The following OR2L13 variants were observed in gnomAD, a reference collection of about 807,000 sequenced individuals.
OR2L13 encodes the protein olfactory receptor 2L13.
In OR2L13, 14 loss-of-function variants were observed where a neutral mutation model predicts 15.3. The ratio of observed to expected loss-of-function variants is 0.91; its 90% confidence interval spans 0.60 to 1.43. The LOEUF is 1.43. Among genes scored for constraint, OR2L13 ranks in the 40% most tolerant of loss-of-function variants. The pLI is 0.00. For missense variants in OR2L13, 367 were observed against 387.9 expected, an observed-to-expected ratio of 0.95 and a Z score of 0.45; for synonymous variants, 152 against 142.9, an observed-to-expected ratio of 1.06 and a Z score of -0.45.
At position 248,099,488 on chromosome 1, in the gene OR2L13, C is replaced by T. The variant is rs766931382; in HGVS notation, c.113C>T (p.Ser38Leu). 1.8e-5 allele frequency: 29 copies of T among 1,613,426 alleles called. 1 individual carries two copies. In the East Asian group the frequency reaches 4.7e-4, roughly 26 times the overall value. Residue 38 changes from serine (S) to leucine (L), a missense_variant, in exon 3 of 3, where the codon TCG (serine) becomes TTG (leucine). Physicochemically the swap from Ser to Leu is moderately radical, Grantham distance 145 (BLOSUM62 -2). Transcript: ENST00000641714. ...ATCATCCTCATATTCTTTCTGGCCT[C>T]GGTGGGTAACTCGGCCATGATTCAC...
At chr1:248,067,616 C>G in the OR2L13 span, among the ~76,000 whole-genome samples, 1 of 152,202 alleles carries the variant, frequency 6.6e-6, no homozygotes, top group Non-Finnish European at 1.5e-5. Context: ...CCGGGTTCAT[C>G]TCACTAGGGA....
chr1:248,015,093 A>G, the OR2L13 span, among the ~76,000 whole-genome samples: 5 of 152,190 alleles, frequency 3.3e-5, no homozygotes, highest in African/African-American at 1.2e-4. Flanking sequence ...ACTTGGAAGC[A>G]CACATACACA....
the OR2L13 span, among the ~76,000 whole-genome samples, chr1:248,075,993 A>G: frequency 6.6e-6 from 1 of 152,254 alleles, no homozygotes; most frequent in East Asian, 1.9e-4. Context: ...TCTAACATTT[A>G]AGTCTTTAAT....
the OR2L13 span, among the ~76,000 whole-genome samples, chr1:248,035,149 G>T: frequency 6.7e-6 from 1 of 149,630 alleles, no homozygotes; most frequent in Non-Finnish European, 1.5e-5. Context: ...CCAAATCTTA[G>T]ACTAAAAAGT....
At chr1:248,017,563 G>T in the OR2L13 span, among the ~76,000 whole-genome samples, 4 of 152,204 alleles carry the variant, frequency 2.6e-5, no homozygotes, top group Non-Finnish European at 5.9e-5. Context: ...AGCAGGACAG[G>T]CTTCTGCCTT....
the OR2L13 span, among the ~76,000 whole-genome samples, chr1:248,074,747 C>T: frequency 6.6e-6 from 1 of 152,074 alleles, no homozygotes; most frequent in Non-Finnish European, 1.5e-5. Context: ...ACCTGGATGA[C>T]AGAATTTGTA....
chr1:248,042,012 A>C, the OR2L13 span: 36 of 152,158 alleles, frequency 2.4e-4, no homozygotes, highest in Non-Finnish European at 3.5e-4. Flanking sequence ...TGGGTATATA[A>C]CCAAAGGACT....
the OR2L13 span, among the ~76,000 whole-genome samples, chr1:247,943,830 A>G: frequency 6.6e-6 from 1 of 152,016 alleles, no homozygotes; most frequent in Non-Finnish European, 1.5e-5. Context: ...TTACATTTAG[A>G]TTTTTGATTC....
the OR2L13 span, among the ~76,000 whole-genome samples, chr1:247,951,938 G>C: frequency 6.6e-6 from 1 of 152,124 alleles, no homozygotes; most frequent in African/African-American, 2.4e-5. Flanking sequence ...CTTGGGTCCT[G>C]TGGTGCTGTG....
the OR2L13 span, chr1:247,965,464 G>T: frequency 1.9e-6 from 3 of 1,613,456 alleles, no homozygotes. Flanking sequence ...TCTCTTTGTC[G>T]TCATTGCCAC....
the OR2L13 span, among the ~76,000 whole-genome samples, chr1:248,035,050 CTTT>C: frequency 5.7e-5 from 8 of 140,744 alleles, no homozygotes; most frequent in Admixed American, 1.4e-4. Flanking sequence ...TTATCTTTCC[CTTT>C]TTTTTTTTTT....
the OR2L13 span, chr1:248,004,083 C>G: frequency 6.3e-7 from 1 of 1,587,156 alleles, no homozygotes; most frequent in South Asian, 1.1e-5. Context: ...CACTTTCTGC[C>G]TAAGGTTTCA....
At chr1:248,012,153 G>A in the OR2L13 span, among the ~76,000 whole-genome samples, 1 of 152,066 alleles carries the variant, frequency 6.6e-6, no homozygotes, top group Non-Finnish European at 1.5e-5. Context: ...CTGAGAAAGT[G>A]TGAAATACTC....
upstream of OR2L13, among the ~76,000 whole-genome samples, chr1:248,092,846 G>C (rs769648821): frequency 3.9e-5 from 6 of 152,008 alleles, no homozygotes; most frequent in Non-Finnish European, 7.4e-5. Flanking sequence ...TTCCATCTCT[G>C]CAGAAAGAAA....
chr1:248,052,980 T>G, the OR2L13 span, among the ~76,000 whole-genome samples: 1 of 152,244 alleles, frequency 6.6e-6, no homozygotes, highest in South Asian at 2.1e-4. Flanking sequence ...CCAGGGTATA[T>G]GTGCAGGAAG....
At chr1:248,028,071 G>T in the OR2L13 span, among the ~76,000 whole-genome samples, 1 of 147,494 alleles carries the variant, frequency 6.8e-6, no homozygotes, top group East Asian at 2.0e-4. Context: ...AACCCAGGAG[G>T]CTGAGCTTGC....
chr1:247,992,674 CT>C, the OR2L13 span, among the ~76,000 whole-genome samples: 1 of 152,190 alleles, frequency 6.6e-6, no homozygotes, highest in Non-Finnish European at 1.5e-5. Context: ...TGGCCCCCAG[CT>C]CTATCCATTA....
At chr1:248,000,123 G>GGTGTGT in the OR2L13 span, among the ~76,000 whole-genome samples, 2 of 138,246 alleles carry the variant, frequency 1.4e-5, no homozygotes, top group African/African-American at 2.7e-5. Context: ...TTTTTTTTTT[G>GGTGTGT]GTGTGTGTGT....
the OR2L13 span, among the ~76,000 whole-genome samples, chr1:248,050,837 A>T: frequency 1.3e-5 from 2 of 152,180 alleles, no homozygotes; most frequent in African/African-American, 4.8e-5. Context: ...ACATTTATGA[A>T]AATTTGCTCT....
Sources: allele counts gnomAD v4.1 joint callset (sites outside exome capture counted in the v4.1 genomes callset), GRCh38; gene constraint gnomAD v4.1.1; transcripts MANE v1.5; gene names NCBI Gene and HGNC (gene_info 2026-07-23, HGNC 2026-07-21).